CCDC102B: variants seen among roughly 807,000 people sequenced by gnomAD.
The protein encoded by CCDC102B is coiled-coil domain-containing protein 102B.
Under a neutral mutation model 57.4 loss-of-function variants are expected in CCDC102B, and 75 were observed. That is an observed-to-expected ratio of 1.31 (90% CI 1.08 to 1.58). The LOEUF (loss-of-function observed/expected upper bound fraction) is 1.58, where lower values mean the gene tolerates loss of function less well. Ranked by LOEUF, CCDC102B falls within the 40% of genes most tolerant of loss-of-function variation. The probability of loss-of-function intolerance (pLI) is 0.00; values close to 1 mark genes in which losing one functional copy is unlikely to be tolerated. For synonymous variants in CCDC102B, 206 were observed against 201.9 expected, an observed-to-expected ratio of 1.02 and a Z score of -0.17; for missense variants, 636 against 582.6, an observed-to-expected ratio of 1.09 and a Z score of -0.94.
intron 6 of CCDC102B, among the ~76,000 whole-genome samples, chr18:68,933,251 G>C (rs896141051): frequency 1.3e-5 from 2 of 151,808 alleles, no homozygotes; most frequent in African/African-American, 4.8e-5. Flanking sequence ...GCACAAATCT[G>C]AATTGTTTAT....
intron 5 of CCDC102B, among the ~76,000 whole-genome samples, chr18:68,875,889 C>A (rs2039424650): frequency 6.6e-6 from 1 of 152,102 alleles, no homozygotes; most frequent in South Asian, 2.1e-4. Context: ...CTCATCACAT[C>A]AATGCCATCC....
At chr18:68,976,490 G>A (rs1422609104) in intron 6 of CCDC102B, among the ~76,000 whole-genome samples, 1 of 151,960 alleles carries the variant, frequency 6.6e-6, no homozygotes, top group Non-Finnish European at 1.5e-5. Context: ...AGTCCAGTAA[G>A]TGGTAGTTAG....
At chr18:68,933,364 A>G (rs1312400720) in intron 6 of CCDC102B, among the ~76,000 whole-genome samples, 4 of 151,900 alleles carry the variant, frequency 2.6e-5, no homozygotes, top group African/African-American at 9.7e-5. Context: ...GTTCATTTTT[A>G]CCTATCAATT....
At chr18:69,046,266 T>G (rs1568147692) in intron 7 of CCDC102B, among the ~76,000 whole-genome samples, 1 of 152,148 alleles carries the variant, frequency 6.6e-6, no homozygotes, top group Non-Finnish European at 1.5e-5. Flanking sequence ...GCATCTATTA[T>G]TTTTTGACTC....
chr18:68,843,584 A>G (rs768353122), intron 3 of CCDC102B, among the ~76,000 whole-genome samples: 11 of 152,080 alleles, frequency 7.2e-5, no homozygotes, highest in Non-Finnish European at 1.6e-4. Flanking sequence ...TCTATTTTAG[A>G]TTCTACAAAT....
At chr18:68,902,995 A>G (rs1346095990) in intron 6 of CCDC102B, among the ~76,000 whole-genome samples, 4 of 152,182 alleles carry the variant, frequency 2.6e-5, no homozygotes, top group Non-Finnish European at 2.9e-5. Context: ...AAATTTTTTA[A>G]AAGAATGAGG....
rs565283884 is a variant in CCDC102B, at chr18:69,030,985, C to T, written c.1434+19881C>T. On this transcript the variant is annotated intron_variant, in intron 7 of 7. Coordinates refer to ENST00000360242, the MANE Select transcript of CCDC102B (RefSeq NM_024781.3). ...TGTTTCATTGTAAGATTTTCTGTTT[C>T]AATTTAATTCCATGAAATTAAGGTT... is the stretch of plus-strand genomic sequence containing the variant. Among the ~76,000 whole-genome samples the T allele has an allele frequency of 3.3e-3, 496 of 152,252 alleles. 2 individuals carry two copies. The highest frequency in any genetic ancestry group is 5.1e-3 in the Non-Finnish European group (345 of 68,008).
At position 69,047,342 on chromosome 18, in the gene CCDC102B, C is replaced by G. The variant is rs547572047; in HGVS notation, c.1435-6688C>G. On this transcript the variant is annotated intron_variant, in intron 7 of 7. Coordinates refer to ENST00000360242, the MANE Select transcript of CCDC102B (RefSeq NM_024781.3). ...AACACTTTCAATAAAATCCAATATC[C>G]CTTCATCTTAAAAACCCTCAGTAAA... Among the ~76,000 whole-genome samples, 5 of 152,118 alleles carry G rather than the reference C, an allele frequency of 3.3e-5. No homozygotes were observed. In the East Asian group the frequency reaches 9.7e-4, roughly 29 times the overall value.
chr18:68,998,999 TAGAGAGAG>T lies in CCDC102B; in HGVS notation c.1264-11904_1264-11897del, dbSNP rs60271182. 5.3e-3 allele frequency among the ~76,000 whole-genome samples: 227 copies of T among 43,230 alleles called. 1 individual carries two copies. Among genetic ancestry groups the T allele is most frequent in the African/African-American group, 0.013 (169 of 12,692 alleles). 28.4% of individuals were successfully genotyped at this position (43,230 alleles called of 152,430 possible). A position where few individuals can be genotyped will look rare whatever the true frequency, so the allele number is the denominator to read the frequency against. ...ATATATATATATATATATATATATA[TAGAGAGAG>T]AGAGAGAGAGAGAGAGAGAGAGAGA... On this transcript the variant is annotated intron_variant, in intron 6 of 7. Transcript: ENST00000360242.
chr18:69,016,042 T>G (rs1355727708), intron 7 of CCDC102B, among the ~76,000 whole-genome samples: 1 of 150,616 alleles, frequency 6.6e-6, no homozygotes, highest in Non-Finnish European at 1.5e-5. Flanking sequence ...TTTTTTTTTT[T>G]TTAGTAGAGA....
intron 4 of CCDC102B, among the ~76,000 whole-genome samples, chr18:68,873,458 A>C (rs898217497): frequency 6.6e-5 from 10 of 152,162 alleles, no homozygotes; most frequent in African/African-American, 2.4e-4. Context: ...AGATGCAATA[A>C]TGGTTTAACA....
At chr18:68,785,487 CTGT>C (rs1464575728) in intron 2 of CCDC102B, among the ~76,000 whole-genome samples, 1 of 151,456 alleles carries the variant, frequency 6.6e-6, no homozygotes, top group African/African-American at 2.4e-5. Flanking sequence ...TCTCCAGCAC[CTGT>C]TGTTTCCTGA....
At chr18:68,975,779 C>A (rs1350877878) in intron 6 of CCDC102B, among the ~76,000 whole-genome samples, 4 of 151,344 alleles carry the variant, frequency 2.6e-5, no homozygotes, top group Non-Finnish European at 4.4e-5. Context: ...TTCACTAATT[C>A]TTTCTACAAA....
intron 2 of CCDC102B, among the ~76,000 whole-genome samples, chr18:68,762,017 A>G (rs1276335963): frequency 6.6e-6 from 1 of 152,072 alleles, no homozygotes; most frequent in East Asian, 1.9e-4. Context: ...GTCCCTTGAC[A>G]TTTTACCATA....
At chr18:68,744,697 C>T (rs768001054) in intron 2 of CCDC102B, among the ~76,000 whole-genome samples, 5 of 152,148 alleles carry the variant, frequency 3.3e-5, no homozygotes, top group Non-Finnish European at 7.4e-5. Context: ...AATGATTCCC[C>T]GGCTGCGTGG....
chr18:68,760,143 C>G (rs2034205512), intron 2 of CCDC102B, among the ~76,000 whole-genome samples: 1 of 152,086 alleles, frequency 6.6e-6, no homozygotes, highest in African/African-American at 2.4e-5. Context: ...TTTGCTTCTT[C>G]TCATAGCCAT....
chr18:68,811,684 G>A (rs534165859), intron 1 of CCDC102B, among the ~76,000 whole-genome samples: 6 of 152,216 alleles, frequency 3.9e-5, no homozygotes, highest in African/African-American at 1.2e-4. Flanking sequence ...TTAAGAAAGA[G>A]GGAGTTTTCA....
chr18:68,990,351 C>G (rs1568105881), intron 6 of CCDC102B, among the ~76,000 whole-genome samples: 1 of 152,118 alleles, frequency 6.6e-6, no homozygotes, highest in African/African-American at 2.4e-5. Flanking sequence ...GATGGGAGCA[C>G]TGAAGAGATA....
intron 7 of CCDC102B, among the ~76,000 whole-genome samples, chr18:69,040,433 T>A (rs73967782): frequency 0.031 from 4,336 of 140,292 alleles, 224 homozygotes; most frequent in African/African-American, 0.1. Flanking sequence ...TGTGTGTGTG[T>A]GAGATGGCTT....
Sources: gnomAD v4.1 joint callset for allele counts (sites outside exome capture counted in the v4.1 genomes callset) on GRCh38, gnomAD v4.1.1 for gene constraint, MANE v1.5 for transcripts, NCBI Gene and HGNC (gene_info 2026-07-23, HGNC 2026-07-21) for gene names.